The following THEMIS variants were observed in gnomAD, a reference collection of about 807,000 sequenced individuals.
The protein encoded by THEMIS is thymocyte selection associated, also known as protein THEMIS.
THEMIS carries 37 observed loss-of-function variants against 52.6 expected under a neutral mutation model. The observed-to-expected ratio is 0.70, with a 90% confidence interval of 0.54 to 0.93. THEMIS has a LOEUF of 0.93. Ranked by LOEUF, THEMIS falls within the 40% of genes least tolerant of loss-of-function variation. The probability of loss-of-function intolerance (pLI) is 0.00; values close to 1 mark genes in which losing one functional copy is unlikely to be tolerated. For synonymous variants in THEMIS, 292 were observed against 272.7 expected (o/e 1.07, Z -0.70); for missense variants, 808 against 763.1 (o/e 1.06, Z -0.69).
At chr6:127,699,142 C>T in the THEMIS span, among the ~76,000 whole-genome samples, 2 of 151,828 alleles carry the variant, frequency 1.3e-5, no homozygotes, top group African/African-American at 4.8e-5. Context: ...CTTTCAAGGT[C>T]TCCCTCCCCA....
intron 4 of THEMIS, among the ~76,000 whole-genome samples, chr6:127,720,891 A>G (rs1774339869): frequency 6.6e-6 from 1 of 151,910 alleles, no homozygotes; most frequent in Admixed American, 6.6e-5. Flanking sequence ...AAGATTTTTA[A>G]TGTGGTGGAC....
intron 4 of THEMIS, among the ~76,000 whole-genome samples, chr6:127,730,298 AAAG>A (rs1487710339): frequency 1.4e-5 from 2 of 147,356 alleles, no homozygotes; most frequent in South Asian, 2.1e-4. Flanking sequence ...AAAGAAAAGA[AAAG>A]AAAAGAAAAG....
At chr6:127,768,979 T>C (rs1206733647) in intron 4 of THEMIS, among the ~76,000 whole-genome samples, 1 of 152,200 alleles carries the variant, frequency 6.6e-6, no homozygotes, top group African/African-American at 2.4e-5. Context: ...TAATCTAAAA[T>C]GCAAATGTTG....
At chr6:127,908,480 G>A (rs562347829) in intron 1 of THEMIS, among the ~76,000 whole-genome samples, 9 of 152,088 alleles carry the variant, frequency 5.9e-5, no homozygotes, top group Non-Finnish European at 1.0e-4. Context: ...TTTTTTACAC[G>A]CAGTTCTGCC....
At chr6:127,805,876 G>A (rs1167439226) in intron 4 of THEMIS, among the ~76,000 whole-genome samples, 2 of 151,980 alleles carry the variant, frequency 1.3e-5, no homozygotes, top group Admixed American at 6.6e-5. Context: ...GACAAATATA[G>A]TAATGGAAAA....
chr6:127,833,138 A>AT (rs1778757097), intron 2 of THEMIS, among the ~76,000 whole-genome samples: 1 of 152,016 alleles, frequency 6.6e-6, no homozygotes, highest in East Asian at 1.9e-4. Context: ...GACATTGTTC[A>AT]TTAAAAAAAA....
intron 4 of THEMIS, among the ~76,000 whole-genome samples, chr6:127,788,482 T>C (rs531180870): frequency 6.6e-6 from 1 of 152,334 alleles, no homozygotes; most frequent in Non-Finnish European, 1.5e-5. Context: ...TATTGACATT[T>C]TCATTAAACA....
chr6:127,848,057 A>C (rs1238031073), intron 2 of THEMIS, among the ~76,000 whole-genome samples: 1 of 96,656 alleles, frequency 1.0e-5, no homozygotes, highest in Non-Finnish European at 2.3e-5. Flanking sequence ...TCCTAATGCT[A>C]TCCCTCCCCC....
intron 4 of THEMIS, among the ~76,000 whole-genome samples, chr6:127,786,847 C>T (rs1475738427): frequency 2.6e-5 from 4 of 152,044 alleles, no homozygotes; most frequent in African/African-American, 7.2e-5. Context: ...AGCTTTGTGA[C>T]GTTTTGAATT....
At chr6:127,826,435 G>A (rs1219500898) in intron 3 of THEMIS, among the ~76,000 whole-genome samples, 2 of 152,044 alleles carry the variant, frequency 1.3e-5, no homozygotes, top group Non-Finnish European at 2.9e-5. Flanking sequence ...CTTTTCACTT[G>A]TGTGATTTCA....
rs552041964 is a variant in THEMIS at position 127,824,439 on chromosome 6, G to A, written c.709+5037C>T. Among the ~76,000 whole-genome samples, 3 of 152,174 alleles carry A rather than the reference G, an allele frequency of 2.0e-5. No individual in the cohort carries two copies. In the South Asian group the frequency reaches 6.2e-4, roughly 32 times the overall value. On this transcript the variant is annotated intron_variant, in intron 3 of 5. Transcript: ENST00000368248. ...GAGGAATGCTGCAGTGAAAAAGTTG[G>A]CAGGATAATATCTAAAATTCATAAA...
intron 1 of THEMIS, among the ~76,000 whole-genome samples, chr6:127,895,087 TAAAG>T (rs1780923975): frequency 6.6e-6 from 1 of 150,828 alleles, no homozygotes; most frequent in Non-Finnish European, 1.5e-5. Flanking sequence ...ATAAACACAC[TAAAG>T]AAAGTAAATC....
In THEMIS at chr6:127,814,996, A is replaced by G. The variant is rs552088981; in HGVS notation, c.710-1065T>C. Among the ~76,000 whole-genome samples, 136 of 152,194 alleles carry G rather than the reference A, an allele frequency of 8.9e-4. 6 individuals carry two copies. The South Asian group carries it at 0.027, about 30-fold the overall frequency. ...ATATAGTGAGACCTTGTCTCTGTAC[A>G]AAAATTAGAAAAAATTAGCTGAATC... On this transcript the variant is annotated intron_variant, in intron 3 of 5. Transcript: ENST00000368248.
At chr6:127,870,815 A>G (rs1290104110) in intron 1 of THEMIS, among the ~76,000 whole-genome samples, 3 of 152,202 alleles carry the variant, frequency 2.0e-5, no homozygotes, top group African/African-American at 7.2e-5. Context: ...TACATCAACC[A>G]AAGAACAGGG....
At chr6:127,776,167 A>G (rs999014087) in intron 4 of THEMIS, among the ~76,000 whole-genome samples, 2 of 152,180 alleles carry the variant, frequency 1.3e-5, no homozygotes, top group Admixed American at 6.5e-5. Context: ...ATGCTTCTAA[A>G]TTTGTCAAGA....
chr6:127,784,851 G>A (rs1479642976), intron 4 of THEMIS, among the ~76,000 whole-genome samples: 1 of 151,944 alleles, frequency 6.6e-6, no homozygotes, highest in Non-Finnish European at 1.5e-5. Context: ...TGTTTGAGAG[G>A]AGATTTCTAT....
chr6:127,849,193 C>T (rs879459542), intron 2 of THEMIS, among the ~76,000 whole-genome samples: 3 of 151,910 alleles, frequency 2.0e-5, no homozygotes, highest in Admixed American at 2.0e-4. Context: ...ATCCTTTCCC[C>T]ATTTCTTGTT....
intron 4 of THEMIS, among the ~76,000 whole-genome samples, chr6:127,801,013 G>C (rs541839515): frequency 6.6e-6 from 1 of 152,292 alleles, no homozygotes; most frequent in East Asian, 1.9e-4. Context: ...GGAGTTGGCT[G>C]CATAATATGA....
intron 4 of THEMIS, among the ~76,000 whole-genome samples, chr6:127,794,782 C>T (rs1316341494): frequency 1.3e-5 from 2 of 152,202 alleles, no homozygotes; most frequent in Non-Finnish European, 2.9e-5. Flanking sequence ...CCCTTAAACT[C>T]TTAGTCCTTA....
Sources: gnomAD v4.1 joint callset for allele counts (sites outside exome capture counted in the v4.1 genomes callset) on GRCh38, gnomAD v4.1.1 for gene constraint, MANE v1.5 for transcripts, NCBI Gene and HGNC (gene_info 2026-07-23, HGNC 2026-07-21) for gene names.